SGSM2: variants seen among roughly 807,000 people sequenced by gnomAD.
SGSM2 encodes RUN and TBC1 domain containing 1.
A neutral mutation model predicts 126.6 loss-of-function variants in SGSM2; 89 were observed. The ratio of observed to expected loss-of-function variants is 0.70; its 90% CI spans 0.59 to 0.84. The LOEUF (loss-of-function observed/expected upper bound fraction) is 0.84. Ranked by LOEUF, SGSM2 falls within the 40% of genes least tolerant of loss-of-function variation. SGSM2 has a pLI of 0.00. For synonymous variants in SGSM2, 614 were observed against 574.3 expected (o/e 1.07, Z -0.99); for missense variants, 1,404 against 1,416.6 (o/e 0.99, Z 0.14).
rs771819000 is a variant in SGSM2, at chr17:2,373,387, C to T, written c.1974C>T (p.Cys658=). 2.2e-5 allele frequency: 36 copies of T among 1,612,842 alleles called. No homozygotes were observed. Among genetic ancestry groups the T allele is most frequent in the South Asian group, 7.7e-5 (7 of 91,056 alleles). ...YQQVLAEWKA[C]EVVVRQRERE... is the part of the protein sequence containing the mutation. ...AGGTGTTGGCAGAGTGGAAGGCCTG[C>T]GAGGTGGTGGTGAGGCAGCGGGAGC... The change falls in exon 17 of 24, where the codon TGC becomes TGT. Residue 658 remains cysteine, a synonymous_variant. Transcript: ENST00000268989.
At chr17:2,376,303 G>GCCGCGCACTCGCTC (rs151060445) in intron 19 of SGSM2, 42 bp downstream of exon 19, 101,021 of 1,610,556 alleles carry the variant, frequency 0.063, 3,831 homozygotes, top group South Asian at 0.12. Context: ...GCGGGACCCT[G>GCCGCGCACTCGCTC]CCGCCAGTTA....
intron 12 of SGSM2, among the ~76,000 whole-genome samples, chr17:2,370,656 C>T (rs1024542179): frequency 6.6e-6 from 1 of 152,254 alleles, no homozygotes; most frequent in Non-Finnish European, 1.5e-5. Context: ...TAGGAGCTGA[C>T]AGCAGGGGTA....
intron 2 of SGSM2, 90 bp downstream of exon 2, chr17:2,343,710 T>A: frequency 8.9e-7 from 1 of 1,118,492 alleles, no homozygotes; most frequent in Non-Finnish European, 1.3e-6. Context: ...TCAGGTGCAG[T>A]AGCTCTCAAA....
At chr17:2,371,490 C>T (rs112798063) in intron 13 of SGSM2, 75 bp downstream of exon 13, 4 of 1,490,236 alleles carry the variant, frequency 2.7e-6, no homozygotes, top group Non-Finnish European at 3.6e-6. Context: ...TCCTTAAAGG[C>T]CGTGTCACCT....
chr17:2,372,635 A>G lies in SGSM2; in HGVS notation c.1788+147A>G. The stretch of plus-strand genomic sequence containing the variant: ...CCAGGGTCCCGGCAGAATCTCTTGC[A>G]GCTGGGCCTGGGGCTGACACGGGAA... On this transcript the variant is annotated intron_variant, in intron 15 of 23. Transcript: ENST00000268989. This position sits in a 1 kb window ranked among gnomAD's most constrained non-coding sequence, Gnocchi z 6.0. 1 of 1,190,782 alleles carries G rather than the reference A, an allele frequency of 8.4e-7. No homozygotes were observed. The highest frequency in any genetic ancestry group is 1.2e-6 in the Non-Finnish European group (1 of 844,126). 73.8% of individuals were successfully genotyped at this position (1,190,782 alleles called of 1,614,324 possible). A position where few individuals can be genotyped will look rare whatever the true frequency, so the allele number is the denominator to read the frequency against.
At chr17:2,378,812 C>G (rs1019925725) in intron 22 of SGSM2, among the ~76,000 whole-genome samples, 2 of 152,202 alleles carry the variant, frequency 1.3e-5, no homozygotes, top group African/African-American at 4.8e-5. Flanking sequence ...GAGCCAGGCT[C>G]TGTGTCATGG....
At chr17:2,353,504 T>C (rs1264084407) in intron 2 of SGSM2, among the ~76,000 whole-genome samples, 1 of 152,232 alleles carries the variant, frequency 6.6e-6, no homozygotes, top group African/African-American at 2.4e-5. Context: ...GGCTCACACC[T>C]GTAATCCCAG....
rs1253763500 is a variant in SGSM2 at position 2,352,370 on chromosome 17, G to A, written c.133+8750G>A. ...CTGGCTGCCCTGCTTGCACTTCCTC[G>A]CTTGGGTTCTGTGTGGCAGCGGTGG... On this transcript the variant is annotated intron_variant, in intron 2 of 23. Transcript: ENST00000268989. Among the ~76,000 whole-genome samples, 6 of 152,188 alleles carry A rather than the reference G, an allele frequency of 3.9e-5. No individual in the cohort carries two copies. In the East Asian group the frequency reaches 9.6e-4, roughly 24 times the overall value.
At chr17:2,347,243 T>C (rs1035655204) in intron 2 of SGSM2, among the ~76,000 whole-genome samples, 10 of 152,166 alleles carry the variant, frequency 6.6e-5, no homozygotes, top group Admixed American at 2.0e-4. Flanking sequence ...GTAGCTGGGA[T>C]TACAGGTGCC....
intron 2 of SGSM2, among the ~76,000 whole-genome samples, chr17:2,355,433 A>T (rs77174561): frequency 3.5e-4 from 2 of 5,704 alleles, no homozygotes; most frequent in Admixed American, 1.6e-3. Context: ...GGGGTGTAAG[A>T]GTTGGGGGAA....
In SGSM2 at chr17:2,372,041, C is replaced by A; in HGVS notation, c.1578-149C>A. ...CCAGGTGGCAGGCAGGGACAGGGCA[C>A]CCACTGACGGCTGCTGGGCTGCGGC... is the stretch of plus-strand genomic sequence containing the variant. On this transcript the variant is annotated intron_variant, in intron 13 of 23. Transcript: ENST00000268989. This position sits in a 1 kb window ranked among gnomAD's most constrained non-coding sequence, Gnocchi z 6.0. The A allele has an allele frequency of 1.1e-6, 1 of 902,782 alleles. No individual in the cohort carries two copies. Among genetic ancestry groups the A allele is most frequent in the Non-Finnish European group, 1.7e-6 (1 of 580,096 alleles). 55.9% of individuals were successfully genotyped at this position (902,782 alleles called of 1,614,324 possible).
At chr17:2,343,133 G>T (rs775343477) in intron 1 of SGSM2, among the ~76,000 whole-genome samples, 1 of 152,240 alleles carries the variant, frequency 6.6e-6, no homozygotes, top group South Asian at 2.1e-4. Context: ...CCCTAACCTT[G>T]GAGAATAGGG....
In SGSM2 at chr17:2,352,864, G is replaced by T. The variant is rs192515045; in HGVS notation, c.134-8773G>T. 6.3e-3 allele frequency among the ~76,000 whole-genome samples: 761 copies of T among 121,216 alleles called. 124 individuals are homozygous for T. In the Admixed American group the frequency reaches 0.063, roughly 10 times the overall value. The allele number at this position is 121,216 out of a possible 152,430, so 79.5% of individuals were successfully genotyped here. A position where few individuals can be genotyped will look rare whatever the true frequency, so the allele number is the denominator to read the frequency against. ...GCGATCTCGGCTCACTGCAAGCTCT[G>T]CCTCCCGGGTTCACGCCATTCTCCT... On this transcript the variant is annotated intron_variant, in intron 2 of 23. Transcript: ENST00000268989.
chr17:2,380,320 G>T lies in SGSM2; in HGVS notation c.*800G>T, dbSNP rs1022611436. 3.9e-6 allele frequency: 6 copies of T among 1,535,290 alleles called. No individual in the cohort carries two copies. The highest frequency in any genetic ancestry group is 2.7e-5 in the African/African-American group (2 of 73,046). Reference sequence around the variant, plus strand: ...GATGCTTTTGCCAGTGGATGATCTGGAATGCGACCGGAGCACTTGCTCTGA... The same window carrying T: ...GATGCTTTTGCCAGTGGATGATCTGTAATGCGACCGGAGCACTTGCTCTGA... On this transcript the variant is annotated 3_prime_UTR_variant, in exon 24 of 24. Coordinates refer to ENST00000268989, the MANE Select transcript of SGSM2 (RefSeq NM_014853.3).
chr17:2,378,266 T>A (rs932999801), intron 22 of SGSM2, among the ~76,000 whole-genome samples: 2 of 152,100 alleles, frequency 1.3e-5, no homozygotes, highest in Admixed American at 6.5e-5. Context: ...ACCCTGTCTT[T>A]AATTTTTAAA....
At chr17:2,352,038 A>C (rs1048544900) in intron 2 of SGSM2, among the ~76,000 whole-genome samples, 16 of 152,160 alleles carry the variant, frequency 1.1e-4, no homozygotes, top group African/African-American at 3.9e-4. Flanking sequence ...CGGGGAAGAG[A>C]GGGGCAGGTC....
chr17:2,364,494 A>G lies in SGSM2; in HGVS notation c.933-102A>G, dbSNP rs538857377. 3.1e-6 allele frequency: 4 copies of G among 1,288,010 alleles called. No homozygotes were observed. In the South Asian group the frequency reaches 4.8e-5, roughly 16 times the overall value. The allele number at this position is 1,288,010 out of a possible 1,614,324, so 79.8% of individuals were successfully genotyped here. On this transcript the variant is annotated intron_variant, in intron 8 of 23. Coordinates refer to ENST00000268989, the MANE Select transcript of SGSM2 (RefSeq NM_014853.3). ...TGCACCTCTTGGCTATGGTCATCCT[A>G]TCTTCAGGGGAGTTTCGTGGGGTGG... is the stretch of plus-strand genomic sequence containing the variant.
At chr17:2,359,990 C>A (rs1273202381) in intron 2 of SGSM2, among the ~76,000 whole-genome samples, 1 of 152,186 alleles carries the variant, frequency 6.6e-6, no homozygotes, top group African/African-American at 2.4e-5. Flanking sequence ...CCACACAAGA[C>A]CTCCAGGGAC....
At chr17:2,376,380 C>T in intron 19 of SGSM2, 119 bp downstream of exon 19, 3 of 1,372,794 alleles carry the variant, frequency 2.2e-6, no homozygotes, top group Non-Finnish European at 3.0e-6. Context: ...CACTTGGCTC[C>T]CCCTGCCTGG....
Sources: allele counts gnomAD v4.1 joint callset (sites outside exome capture counted in the v4.1 genomes callset), GRCh38; gene constraint gnomAD v4.1.1; non-coding constraint Gnocchi (gnomAD v3.1); transcripts MANE v1.5; gene names NCBI Gene and HGNC (gene_info 2026-07-23, HGNC 2026-07-21).